MFSD11: variants seen among roughly 807,000 people sequenced by gnomAD.
The protein encoded by MFSD11 is major facilitator superfamily domain containing 11.
In MFSD11, 36 loss-of-function variants were observed where a neutral mutation model predicts 53.5. The observed-to-expected ratio is 0.67, with a 90% CI of 0.52 to 0.89. The LOEUF is 0.89. MFSD11 is among the 40% of genes least tolerant of loss of function. MFSD11 has a pLI of 0.00. For missense variants in MFSD11, 530 were observed against 543.9 expected (o/e 0.97, Z 0.25); for synonymous variants, 186 against 184.9 (o/e 1.01, Z -0.05).
At chr17:76,762,510 C>CA (rs1044936659) in intron 8 of MFSD11, among the ~76,000 whole-genome samples, 2 of 151,922 alleles carry the variant, frequency 1.3e-5, no homozygotes, top group Non-Finnish European at 2.9e-5. Flanking sequence ...ACTAAAAATA[C>CA]AAAAAAATTA....
rs542598587 is a variant in MFSD11 at position 76,753,940 on chromosome 17, C to T, written c.642-107C>T. 7.2e-5 allele frequency: 63 copies of T among 870,754 alleles called. No individual in the cohort carries two copies. In the South Asian group the frequency reaches 8.7e-4, roughly 12 times the overall value. 53.9% of individuals were successfully genotyped at this position (870,754 alleles called of 1,614,324 possible). On this transcript the variant is annotated intron_variant, in intron 7 of 12. Coordinates refer to ENST00000685175, the MANE Select transcript of MFSD11 (RefSeq NM_001242532.5). ...CGAGTCACTGGGAATGCATCTCAGACCTGGTATAGGACAGGGTTTTTACGA... is the reference window on the plus strand; with the variant it reads ...CGAGTCACTGGGAATGCATCTCAGATCTGGTATAGGACAGGGTTTTTACGA...
intron 7 of MFSD11, among the ~76,000 whole-genome samples, chr17:76,748,483 GAAA>G (rs1458892014): frequency 6.6e-6 from 1 of 151,440 alleles, no homozygotes; most frequent in Non-Finnish European, 1.5e-5. Context: ...AGCCCTGTTT[GAAA>G]TCAGCCTGGG....
intron 3 of MFSD11, 108 bp downstream of exon 3, chr17:76,741,172 G>A: frequency 1.3e-6 from 1 of 774,992 alleles, no homozygotes; most frequent in South Asian, 1.6e-5. Context: ...TAGAATATAG[G>A]TGGTATTTTA....
chr17:76,751,043 C>T (rs1355750619), intron 7 of MFSD11, among the ~76,000 whole-genome samples: 1 of 151,754 alleles, frequency 6.6e-6, no homozygotes, highest in Admixed American at 6.6e-5. Context: ...TCAAGTGATC[C>T]ACCCGCCTTG....
At chr17:76,750,451 G>T (rs370785969) in intron 7 of MFSD11, among the ~76,000 whole-genome samples, 1 of 142,958 alleles carries the variant, frequency 7.0e-6, no homozygotes, top group Admixed American at 7.3e-5. Flanking sequence ...TCCGCCTCCC[G>T]GGTGCACGCC....
chr17:76,803,775 T>A, the MFSD11 span, among the ~76,000 whole-genome samples: 1 of 151,858 alleles, frequency 6.6e-6, no homozygotes, highest in East Asian at 1.9e-4. Context: ...GGAGACTGAT[T>A]TGAGTAATAA....
intron 9 of MFSD11, among the ~76,000 whole-genome samples, chr17:76,768,123 C>G (rs1290992719): frequency 6.6e-6 from 1 of 151,784 alleles, no homozygotes; most frequent in African/African-American, 2.4e-5. Context: ...GGCAACATGG[C>G]AAAACCCCAT....
chr17:76,738,129 G>A lies in MFSD11; in HGVS notation c.-224G>A. The A allele has an allele frequency of 3.6e-6, 2 of 563,338 alleles. No individual in the cohort carries two copies. Among genetic ancestry groups the A allele is most frequent in the Admixed American group, 3.4e-5 (1 of 29,622 alleles). The allele number at this position is 563,338 out of a possible 1,614,324, so 34.9% of individuals were successfully genotyped here. A position where few individuals can be genotyped will look rare whatever the true frequency, so the allele number is the denominator to read the frequency against. ...GCTTCTCCGGGGGTTGTGCTCTTCC[G>A]TACTCGGATCGCTTCTTAGGAGTAT... On this transcript the variant is annotated 5_prime_UTR_variant, in exon 1 of 13. Coordinates refer to ENST00000685175, the MANE Select transcript of MFSD11 (RefSeq NM_001242532.5).
chr17:76,793,177 C>G, the MFSD11 span, among the ~76,000 whole-genome samples: 3 of 151,258 alleles, frequency 2.0e-5, no homozygotes, highest in Non-Finnish European at 4.4e-5. Flanking sequence ...CCAGTCTGAT[C>G]AAAAATTTAT....
the MFSD11 span, among the ~76,000 whole-genome samples, chr17:76,788,572 G>A: frequency 6.7e-6 from 1 of 149,238 alleles, no homozygotes; most frequent in African/African-American, 2.5e-5. Flanking sequence ...CACAGCCTCG[G>A]TAGAGGCTGA....
At chr17:76,773,891 C>A (rs1341340089) in intron 10 of MFSD11, among the ~76,000 whole-genome samples, 1 of 151,530 alleles carries the variant, frequency 6.6e-6, no homozygotes, top group Admixed American at 6.6e-5. Flanking sequence ...CAGGCGTGAG[C>A]CACCATGCCC....
chr17:76,756,572 A>AT (rs920010949), intron 8 of MFSD11, among the ~76,000 whole-genome samples: 1 of 152,074 alleles, frequency 6.6e-6, no homozygotes, highest in Non-Finnish European at 1.5e-5. Context: ...CAGAATACCC[A>AT]TTATTAGGCC....
At chr17:76,777,806 T>A (rs1020407726) in intron 12 of MFSD11, among the ~76,000 whole-genome samples, 1 of 152,222 alleles carries the variant, frequency 6.6e-6, no homozygotes, top group South Asian at 2.1e-4. Context: ...CTGTACATTC[T>A]TGTTACTCCA....
At chr17:76,770,031 CTTTTTTTTT>C (rs367900405) in intron 10 of MFSD11, among the ~76,000 whole-genome samples, 160 bp downstream of exon 10, 1 of 131,086 alleles carries the variant, frequency 7.6e-6, no homozygotes, top group Non-Finnish European at 1.6e-5. Context: ...TATTCTTTTT[CTTTTTTTTT>C]TTTTTTTTCC....
chr17:76,737,817 G>C (rs2077629279), upstream of MFSD11: 2 of 160,720 alleles, frequency 1.2e-5, no homozygotes, highest in Admixed American at 6.4e-5. Flanking sequence ...ACTGCTCTTC[G>C]CCGGAGTCCG....
intron 8 of MFSD11, among the ~76,000 whole-genome samples, chr17:76,763,777 C>T (rs747287627): frequency 1.5e-4 from 23 of 148,614 alleles, no homozygotes; most frequent in Non-Finnish European, 2.2e-4. Flanking sequence ...TTTTGAAGCA[C>T]AAAACTTAAA....
downstream of MFSD11, among the ~76,000 whole-genome samples, chr17:76,785,790 A>G (rs537740869): frequency 6.6e-5 from 10 of 152,208 alleles, no homozygotes; most frequent in Non-Finnish European, 1.0e-4. Context: ...TATTTTTATC[A>G]CAATTAATGG....
At chr17:76,773,954 C>G (rs2081592128) in intron 10 of MFSD11, among the ~76,000 whole-genome samples, 1 of 151,550 alleles carries the variant, frequency 6.6e-6, no homozygotes, top group Admixed American at 6.6e-5. Context: ...GAGACAGAGT[C>G]TTGCTCTGTC....
chr17:76,761,508 G>A (rs1463918667), intron 8 of MFSD11, among the ~76,000 whole-genome samples: 6 of 152,092 alleles, frequency 3.9e-5, no homozygotes, highest in Admixed American at 2.0e-4. Flanking sequence ...TGTATATTAC[G>A]TGAAAACAAA....
Sources: gnomAD v4.1 joint callset for allele counts (sites outside exome capture counted in the v4.1 genomes callset) on GRCh38, gnomAD v4.1.1 for gene constraint, MANE v1.5 for transcripts, NCBI Gene and HGNC (gene_info 2026-07-23, HGNC 2026-07-21) for gene names.